Variants in CDH18 observed in about 807,000 individuals in gnomAD.
The protein encoded by CDH18 is cadherin-18.
Under a neutral mutation model 67.9 loss-of-function variants are expected in CDH18, and 31 were observed. That is an observed-to-expected ratio of 0.46 (90% CI 0.34 to 0.62). The LOEUF (loss-of-function observed/expected upper bound fraction) is 0.62, where lower values mean the gene tolerates loss of function less well. CDH18 is among the 20% of genes least tolerant of loss of function. The pLI is 0.01. For missense variants in CDH18, 890 were observed against 975.5 expected (o/e 0.91, Z 1.17); for synonymous variants, 362 against 347.2 (o/e 1.04, Z -0.48).
intron 5 of CDH18, among the ~76,000 whole-genome samples, chr5:19,673,970 G>T (rs564437982): frequency 8.2e-4 from 125 of 152,010 alleles, no homozygotes; most frequent in Non-Finnish European, 1.6e-3. Context: ...CATCTTTAAA[G>T]AAATAAGTCA....
At chr5:19,852,219 T>C (rs1783787551) in intron 2 of CDH18, among the ~76,000 whole-genome samples, 1 of 152,068 alleles carries the variant, frequency 6.6e-6, no homozygotes, top group African/African-American at 2.4e-5. Context: ...CCACTCATTA[T>C]TAGTTGACTG....
In CDH18 at chr5:20,124,117, T is replaced by A. The variant is rs898512324; in HGVS notation, c.-518+131327A>T. Among the ~76,000 whole-genome samples, 3 of 152,190 alleles carry A rather than the reference T, an allele frequency of 2.0e-5. No individual in the cohort carries two copies. In the East Asian group the frequency reaches 5.8e-4, roughly 29 times the overall value. On this transcript the variant is annotated intron_variant, in intron 2 of 14. Coordinates refer to the CDH18 transcript ENST00000507958. ...TGGCTGGATAGAAACCTCCAGAGAA[T>A]ACTCAGTATTACTGAAGTGAGGAGC...
intron 5 of CDH18, among the ~76,000 whole-genome samples, chr5:19,713,233 C>CA (rs980220859): frequency 1.3e-5 from 2 of 151,944 alleles, no homozygotes; most frequent in Non-Finnish European, 2.9e-5. Flanking sequence ...AATTGACCAA[C>CA]ATTGATTCTT....
At chr5:19,799,446 A>T (rs1235913656) in intron 3 of CDH18, among the ~76,000 whole-genome samples, 2 of 151,006 alleles carry the variant, frequency 1.3e-5, no homozygotes, top group Non-Finnish European at 3.0e-5. Context: ...ACACACACAC[A>T]CACACACACA....
intron 3 of CDH18, among the ~76,000 whole-genome samples, chr5:19,800,118 G>T (rs1777297026): frequency 6.6e-6 from 1 of 152,042 alleles, no homozygotes; most frequent in Non-Finnish European, 1.5e-5. Context: ...GAGAGAGAAG[G>T]ATAAAAGAAA....
intron 2 of CDH18, among the ~76,000 whole-genome samples, chr5:20,133,883 A>T (rs1749477245): frequency 6.6e-6 from 1 of 152,140 alleles, no homozygotes; most frequent in African/African-American, 2.4e-5. Flanking sequence ...TTATCATTCG[A>T]AAAATTTATT....
chr5:20,381,020 A>AT (rs1743867097), intron 1 of CDH18, among the ~76,000 whole-genome samples: 2 of 152,150 alleles, frequency 1.3e-5, no homozygotes, highest in African/African-American at 4.8e-5. Context: ...TCTTAGGGTG[A>AT]TCCCTAATCC....
At position 19,658,176 on chromosome 5, in the gene CDH18, A is replaced by G. The variant is rs151312610; in HGVS notation, c.644-45575T>C. 5.1e-3 allele frequency among the ~76,000 whole-genome samples: 780 copies of G among 152,232 alleles called. 8 individuals are homozygous for G. The highest frequency in any genetic ancestry group is 0.018 in the African/African-American group (750 of 41,560). On this transcript the variant is annotated intron_variant, in intron 5 of 12. Coordinates refer to ENST00000382275, the MANE Select transcript of CDH18 (RefSeq NM_004934.5). ...TGTACATTTTTAAAATTTAGCAGCTATATTTGCATTTTTATATAGATATTA... is the reference window on the plus strand; with the variant it reads ...TGTACATTTTTAAAATTTAGCAGCTGTATTTGCATTTTTATATAGATATTA...
At chr5:20,075,413 T>A (rs1561770016) in intron 2 of CDH18, among the ~76,000 whole-genome samples, 1 of 151,960 alleles carries the variant, frequency 6.6e-6, no homozygotes, top group South Asian at 2.1e-4. Context: ...TGAGACAGGA[T>A]AATAGCTCAA....
intron 2 of CDH18, among the ~76,000 whole-genome samples, chr5:20,138,064 A>G (rs1749891532): frequency 6.6e-6 from 1 of 152,180 alleles, no homozygotes; most frequent in African/African-American, 2.4e-5. Context: ...AAAAATCCTC[A>G]ATAAAATACT....
At chr5:20,209,364 T>A (rs920098389) in intron 2 of CDH18, among the ~76,000 whole-genome samples, 6 of 151,816 alleles carry the variant, frequency 4.0e-5, no homozygotes, top group African/African-American at 1.4e-4. Context: ...TGTTTATCAA[T>A]GGGGGAATGG....
intron 1 of CDH18, among the ~76,000 whole-genome samples, chr5:20,549,730 T>C (rs1757531675): frequency 1.3e-5 from 2 of 152,122 alleles, no homozygotes; most frequent in African/African-American, 4.8e-5. Flanking sequence ...ACCGCTATAG[T>C]AATTCAGGAG....
At chr5:20,349,693 G>A (rs1741005911) in intron 1 of CDH18, among the ~76,000 whole-genome samples, 1 of 152,054 alleles carries the variant, frequency 6.6e-6, no homozygotes, top group Non-Finnish European at 1.5e-5. Flanking sequence ...TTTAATGAAT[G>A]TTATTTTTCA....
At chr5:19,709,232 T>C (rs141597186) in intron 5 of CDH18, among the ~76,000 whole-genome samples, 1 of 152,192 alleles carries the variant, frequency 6.6e-6, no homozygotes, top group Non-Finnish European at 1.5e-5. Flanking sequence ...TTTCTTCTGA[T>C]ACTGCATAGG....
intron 2 of CDH18, among the ~76,000 whole-genome samples, chr5:19,901,061 A>G (rs188537778): frequency 9.4e-4 from 143 of 152,274 alleles, no homozygotes; most frequent in East Asian, 4.2e-3. Flanking sequence ...AATTTGGAAA[A>G]TTAAATTGTA....
At chr5:20,445,760 A>G (rs1208928230) in intron 1 of CDH18, among the ~76,000 whole-genome samples, 2 of 152,160 alleles carry the variant, frequency 1.3e-5, no homozygotes, top group South Asian at 4.1e-4. Flanking sequence ...TTTAATGGAG[A>G]TTAACAGAGC....
chr5:19,971,605 T>C (rs1267628109), intron 2 of CDH18, among the ~76,000 whole-genome samples: 2 of 152,052 alleles, frequency 1.3e-5, no homozygotes, highest in Middle Eastern at 3.4e-3. Context: ...GAAAGCCAAA[T>C]ACTCCATGTT....
intron 1 of CDH18, among the ~76,000 whole-genome samples, chr5:20,406,147 A>G (rs1484526218): frequency 2.0e-5 from 3 of 152,190 alleles, no homozygotes; most frequent in Admixed American, 1.3e-4. Context: ...TGTTTATTGC[A>G]GCACTATTGA....
chr5:20,457,439 T>C lies in CDH18; in HGVS notation c.-580+118023A>G, dbSNP rs113847480. 4.6e-4 allele frequency among the ~76,000 whole-genome samples: 70 copies of C among 152,284 alleles called. 2 individuals carry two copies. The highest frequency in any genetic ancestry group is 1.5e-3 in the African/African-American group (61 of 41,556). ...AAAACTTGTAAGTGGATGGTACCGA[T>C]GATGTCCTCATTTTACAGATGAGCA... is the stretch of plus-strand genomic sequence containing the variant. On this transcript the variant is annotated intron_variant, in intron 1 of 14. Coordinates refer to the CDH18 transcript ENST00000507958.
Sources: allele counts gnomAD v4.1 joint callset (sites outside exome capture counted in the v4.1 genomes callset), GRCh38; gene constraint gnomAD v4.1.1; transcripts MANE v1.5; gene names NCBI Gene and HGNC (gene_info 2026-07-23, HGNC 2026-07-21).